Variants in PCNT observed in about 807,000 individuals in gnomAD.
PCNT encodes the protein kendrin.
In PCNT, 319 loss-of-function variants were observed where a neutral mutation model predicts 380.4. The ratio of observed to expected loss-of-function variants is 0.84; its 90% confidence interval spans 0.77 to 0.92. The LOEUF is 0.92. PCNT is among the 40% of genes least tolerant of loss of function. The pLI is 0.00. For synonymous variants in PCNT, 1,845 were observed against 1,735.2 expected, an observed-to-expected ratio of 1.06 and a Z score of -1.57; for missense variants, 4,400 against 4,255.3, an observed-to-expected ratio of 1.03 and a Z score of -0.95.
rs753565370 is a variant in PCNT at position 46,346,172 on chromosome 21, CGGCCGTGAAGATGAGGCT to C, written c.689_706del (p.Arg230_Gly235del). The C allele has an allele frequency of 2.5e-6, 4 of 1,610,062 alleles. No individual in the cohort carries two copies. The East Asian group carries it at 9.0e-5, about 36-fold the overall frequency. ...AACTTGCCATTACTGACCTGGAGAG[CGGCCGTGAAGATGAGGCT>C]GGCCTGCATCAGAGTCAGGTGACCC... On this transcript the variant is annotated inframe_deletion, in exon 4 of 47. Coordinates refer to ENST00000359568, the MANE Select transcript of PCNT (RefSeq NM_006031.6).
intron 33 of PCNT, among the ~76,000 whole-genome samples, chr21:46,426,964 G>T (rs1246595142): frequency 6.6e-6 from 1 of 152,154 alleles, no homozygotes; most frequent in Non-Finnish European, 1.5e-5. Flanking sequence ...AGCCCCACCC[G>T]CCTCCGCTCG....
In PCNT at chr21:46,411,457, C is replaced by T. The variant is rs768868319; in HGVS notation, c.5384C>T (p.Ala1795Val). ...GQALQGELEA[A>V]LEAKEALSRL... ...GCCCTACAGGGCGAGCTCGAGGCTG[C>T]GCTGGAAGCCAAGGAGGCCCTGAGC... Residue 1795 changes from alanine to valine, a missense_variant, in exon 28 of 47, where the codon GCG becomes GTG. Ala to Val is a moderately conservative substitution (Grantham distance 64). Transcript: ENST00000359568. The T allele has an allele frequency of 5.0e-6, 8 of 1,610,488 alleles. No homozygotes were observed. The highest frequency in any genetic ancestry group is 1.7e-5 in the Admixed American group (1 of 59,806).
chr21:46,398,029 C>T lies in PCNT; in HGVS notation c.4462C>T (p.Arg1488Trp), dbSNP rs371945746. The T allele has an allele frequency of 1.4e-5, 22 of 1,589,004 alleles. No homozygotes were observed. The highest frequency in any genetic ancestry group is 9.1e-5 in the South Asian group (8 of 87,852). ...CTCCTCCCAGGAGCAGGCAGCCGAG[C>T]GGGAGCACGAGCGCGAGGAGTTCCA... Reference protein sequence around the residue: ...RQFMDEQAAEREHEREEFQQE... With the variant: ...RQFMDEQAAEWEHEREEFQQE... Residue 1488 changes from arginine to tryptophan, a missense_variant, in exon 23 of 47, where the codon CGG becomes TGG. Coordinates refer to ENST00000359568, the MANE Select transcript of PCNT (RefSeq NM_006031.6).
chr21:46,375,756 A>AC (rs2085314036), intron 15 of PCNT, among the ~76,000 whole-genome samples: 2 of 152,150 alleles, frequency 1.3e-5, no homozygotes, highest in South Asian at 4.1e-4. Flanking sequence ...GCCCTGCCCG[A>AC]CGTCTCCTGG....
chr21:46,371,210 C>T (rs867546844), intron 15 of PCNT, among the ~76,000 whole-genome samples: 4,828 of 124,576 alleles, frequency 0.039, 121 homozygotes, highest in Middle Eastern at 0.096. Context: ...TATTTTCTTT[C>T]TTTCTTTTTT....
chr21:46,421,718 G>A (rs562476027), intron 31 of PCNT, among the ~76,000 whole-genome samples: 29 of 152,226 alleles, frequency 1.9e-4, no homozygotes, highest in Non-Finnish European at 4.0e-4. Flanking sequence ...GATTGGCGCT[G>A]GAATCAGGGA....
chr21:46,351,381 G>A, intron 8 of PCNT, 48 bp from the exon 9 acceptor site: 1 of 967,996 alleles, frequency 1.0e-6, no homozygotes, highest in Non-Finnish European at 1.7e-6. Context: ...GCTGGGGTGG[G>A]GGCCTTGAGC....
At chr21:46,434,665 A>G (rs575781383) in intron 38 of PCNT, among the ~76,000 whole-genome samples, 2 of 152,332 alleles carry the variant, frequency 1.3e-5, no homozygotes, top group South Asian at 4.1e-4. Flanking sequence ...GGCACCAGAC[A>G]TGGCCTGTGC....
intron 35 of PCNT, among the ~76,000 whole-genome samples, chr21:46,429,530 T>C (rs1433687382): frequency 6.6e-6 from 1 of 152,108 alleles, no homozygotes; most frequent in Non-Finnish European, 1.5e-5. Flanking sequence ...TGAGGGGCAC[T>C]GGTCTGTTTT....
At chr21:46,441,153 T>A in intron 43 of PCNT, 69 bp downstream of exon 43, 3 of 970,326 alleles carry the variant, frequency 3.1e-6, no homozygotes, top group East Asian at 2.4e-5. Context: ...CACTGCATGG[T>A]TTTTTGGTCA....
At chr21:46,342,443 C>T (rs908670891) in intron 3 of PCNT, among the ~76,000 whole-genome samples, 3 of 151,978 alleles carry the variant, frequency 2.0e-5, no homozygotes, top group Admixed American at 1.3e-4. Flanking sequence ...TACTAGTTTA[C>T]GTTCCCACCA....
chr21:46,353,663 G>A (rs1037119285), intron 10 of PCNT, among the ~76,000 whole-genome samples: 65 of 151,650 alleles, frequency 4.3e-4, no homozygotes, highest in African/African-American at 1.5e-3. Flanking sequence ...GGTGGCAGGG[G>A]CGCTCTCCTC....
intron 15 of PCNT, among the ~76,000 whole-genome samples, chr21:46,379,068 G>A (rs1601892669): frequency 6.6e-6 from 1 of 152,222 alleles, no homozygotes; most frequent in East Asian, 1.9e-4. Context: ...GGGATTTCTT[G>A]AAGGACAGGT....
Position 46,336,508 on chromosome 21 carries a change from T to C in PCNT, c.639+1740T>C, listed in dbSNP as rs377320579. Among the ~76,000 whole-genome samples, 32 of 152,328 alleles carry C rather than the reference T, an allele frequency of 2.1e-4. No homozygotes were observed. In the East Asian group the frequency reaches 4.1e-3, roughly 19 times the overall value. On this transcript the variant is annotated intron_variant, in intron 3 of 46. Coordinates refer to ENST00000359568, the MANE Select transcript of PCNT (RefSeq NM_006031.6). ...GCAGCTCTGTCCGTGGGGAGCCCCT[T>C]CAGGTGGCTCCTGTGTCATGTGTTT... is the stretch of plus-strand genomic sequence containing the variant.
At chr21:46,370,251 C>T (rs539620682) in intron 15 of PCNT, among the ~76,000 whole-genome samples, 2 of 152,188 alleles carry the variant, frequency 1.3e-5, no homozygotes, top group African/African-American at 4.8e-5. Flanking sequence ...GGTTGGCCTC[C>T]CCTCCTGTTG....
At chr21:46,369,817 G>A (rs559077516) in intron 15 of PCNT, among the ~76,000 whole-genome samples, 4 of 152,348 alleles carry the variant, frequency 2.6e-5, no homozygotes, top group Non-Finnish European at 4.4e-5. Context: ...GAGGCAGAGA[G>A]GACCAAAGCC....
intron 28 of PCNT, among the ~76,000 whole-genome samples, chr21:46,412,458 G>A (rs991436012): frequency 2.0e-5 from 3 of 152,254 alleles, no homozygotes; most frequent in African/African-American, 7.2e-5. Context: ...TGTGGCGAGC[G>A]AGCTCTTCTT....
rs375186599 is a variant in PCNT at position 46,391,284 on chromosome 21, C to T, written c.4124C>T (p.Ala1375Val). Reference sequence around the variant, plus strand: ...AGCCTGAGACGGCAGCTGCAGCAGGCGGCCCAGGAGCAGGCGGCGCTGAGG... The same window carrying T: ...AGCCTGAGACGGCAGCTGCAGCAGGTGGCCCAGGAGCAGGCGGCGCTGAGG... ...LESLRRQLQQ[A>V]AQEQAALREE... The change falls in exon 21 of 47, where the codon GCG becomes GTG. Residue 1375 changes from alanine (A) to valine (V), a missense_variant. By Grantham distance (64) the Ala-to-Val change is moderately conservative (BLOSUM62 0). Coordinates refer to ENST00000359568, the MANE Select transcript of PCNT (RefSeq NM_006031.6). 8 of 1,586,698 alleles carry T rather than the reference C, an allele frequency of 5.0e-6. No individual in the cohort carries two copies. The highest frequency in any genetic ancestry group is 4.0e-5 in the African/African-American group (3 of 74,536).
chr21:46,374,974 C>T (rs1490698624), intron 15 of PCNT, among the ~76,000 whole-genome samples: 1 of 152,194 alleles, frequency 6.6e-6, no homozygotes, highest in African/African-American at 2.4e-5. Flanking sequence ...TTATCTGAGC[C>T]TCAAATATCT....
Sources: gnomAD v4.1 joint callset for allele counts (sites outside exome capture counted in the v4.1 genomes callset) on GRCh38, gnomAD v4.1.1 for gene constraint, MANE v1.5 for transcripts, NCBI Gene and HGNC (gene_info 2026-07-23, HGNC 2026-07-21) for gene names.